TMEM150C: variants seen among roughly 807,000 people sequenced by gnomAD.
The protein encoded by TMEM150C is transmembrane protein 150C, also known as tentonin 3.
A neutral mutation model predicts 29.9 loss-of-function variants in TMEM150C; 10 were observed. The ratio of observed to expected loss-of-function variants is 0.33; its 90% CI spans 0.21 to 0.57. The LOEUF is 0.57. TMEM150C is among the 20% of genes least tolerant of loss of function. TMEM150C has a pLI of 0.88. For synonymous variants in TMEM150C, 101 were observed against 112.5 expected, an observed-to-expected ratio of 0.90 and a Z score of 0.64; for missense variants, 251 against 303.6, an observed-to-expected ratio of 0.83 and a Z score of 1.29.
chr4:82,544,282 G>A (rs1030162985), intron 1 of TMEM150C, among the ~76,000 whole-genome samples: 3 of 152,168 alleles, frequency 2.0e-5, no homozygotes, highest in African/African-American at 7.2e-5. Context: ...TGATAATAGA[G>A]GCCTCCTTTG....
chr4:82,542,867 G>C (rs1725239095), intron 1 of TMEM150C, among the ~76,000 whole-genome samples: 1 of 152,186 alleles, frequency 6.6e-6, no homozygotes, highest in Non-Finnish European at 1.5e-5. Context: ...GTTAAGACCG[G>C]GAAAGACACA....
chr4:82,529,929 GA>G (rs906915864), intron 1 of TMEM150C, among the ~76,000 whole-genome samples: 4 of 152,068 alleles, frequency 2.6e-5, no homozygotes, highest in Non-Finnish European at 4.4e-5. Context: ...TGGTTAATAG[GA>G]AAGAAGTAGA....
intron 1 of TMEM150C, among the ~76,000 whole-genome samples, chr4:82,538,358 T>C (rs1287468057): frequency 2.6e-5 from 4 of 152,124 alleles, no homozygotes; most frequent in Non-Finnish European, 5.9e-5. Flanking sequence ...GCACCCAGCC[T>C]ATGCATTATT....
intron 1 of TMEM150C, among the ~76,000 whole-genome samples, chr4:82,559,780 C>T (rs141503838): frequency 1.6e-3 from 250 of 152,276 alleles, no homozygotes; most frequent in African/African-American, 5.8e-3. Flanking sequence ...AGAAGTAATA[C>T]ATTATCTTGT....
intron 1 of TMEM150C, among the ~76,000 whole-genome samples, chr4:82,533,148 C>G (rs1431476373): frequency 6.6e-6 from 1 of 150,612 alleles, no homozygotes; most frequent in South Asian, 2.1e-4. Context: ...ATAGATGTGT[C>G]CACTTTCTGA....
chr4:82,544,565 G>T (rs950739218), intron 1 of TMEM150C, among the ~76,000 whole-genome samples: 1 of 152,122 alleles, frequency 6.6e-6, no homozygotes, highest in Admixed American at 6.5e-5. Context: ...GATTCCTTGA[G>T]CCCAGGGGTT....
chr4:82,531,754 CAA>C (rs757992713), intron 1 of TMEM150C, among the ~76,000 whole-genome samples: 7,375 of 60,730 alleles, frequency 0.12, 103 homozygotes, highest in African/African-American at 0.21. Context: ...GACTCTGTCT[CAA>C]AAAAAAAAAA....
intron 1 of TMEM150C, among the ~76,000 whole-genome samples, chr4:82,530,283 C>T (rs1172927073): frequency 2.6e-5 from 4 of 152,014 alleles, no homozygotes; most frequent in South Asian, 2.1e-4. Context: ...AGGGGCCAGG[C>T]ACGGTGGCTC....
At chr4:82,534,810 A>AGGG (rs2110084572) in intron 1 of TMEM150C, among the ~76,000 whole-genome samples, 1 of 152,348 alleles carries the variant, frequency 6.6e-6, no homozygotes, top group South Asian at 2.1e-4. Context: ...TGAACATCCC[A>AGGG]ACTTCACCTA....
intron 1 of TMEM150C, among the ~76,000 whole-genome samples, chr4:82,558,350 C>A (rs1003430632): frequency 6.6e-6 from 1 of 152,164 alleles, no homozygotes; most frequent in Non-Finnish European, 1.5e-5. Flanking sequence ...ACATGTCCAT[C>A]AATGCAGAAA....
intron 1 of TMEM150C, among the ~76,000 whole-genome samples, chr4:82,525,429 C>A (rs757046484): frequency 6.6e-6 from 1 of 152,084 alleles, no homozygotes; most frequent in Non-Finnish European, 1.5e-5. Context: ...GGCTACAAAC[C>A]AGAAAATCTA....
At chr4:82,545,135 C>G (rs1725330443) in intron 1 of TMEM150C, among the ~76,000 whole-genome samples, 1 of 152,144 alleles carries the variant, frequency 6.6e-6, no homozygotes. Flanking sequence ...AACATAGACA[C>G]AAAAGTCCTC....
At chr4:82,562,111 G>A (rs1725959754), upstream of TMEM150C, 1 of 1,247,298 alleles carries the variant, frequency 8.0e-7, no homozygotes, top group East Asian at 6.6e-5. Context: ...GGGGAGAGTT[G>A]ATCCCCTGGG....
At chr4:82,502,435 G>T (rs776166515) in intron 5 of TMEM150C, among the ~76,000 whole-genome samples, 49 of 152,014 alleles carry the variant, frequency 3.2e-4, no homozygotes, top group Non-Finnish European at 5.4e-4. Flanking sequence ...TCTCATACAG[G>T]ATTTTATATC....
chr4:82,546,188 C>T (rs1725380952), intron 1 of TMEM150C, among the ~76,000 whole-genome samples: 1 of 152,114 alleles, frequency 6.6e-6, no homozygotes, highest in South Asian at 2.1e-4. Flanking sequence ...CAACACTATT[C>T]CTATCAAACT....
chr4:82,515,516 A>T (rs983565516), intron 1 of TMEM150C, among the ~76,000 whole-genome samples: 2 of 152,102 alleles, frequency 1.3e-5, no homozygotes, highest in African/African-American at 4.8e-5. Flanking sequence ...AGGTGGGCAG[A>T]TTACGAGGTC....
At chr4:82,511,002 G>C (rs930058910) in intron 1 of TMEM150C, among the ~76,000 whole-genome samples, 5 of 152,144 alleles carry the variant, frequency 3.3e-5, no homozygotes, top group Non-Finnish European at 7.4e-5. Context: ...ATGTTTGCAG[G>C]CTCTCGGATA....
At chr4:82,549,238 G>T (rs1443857175) in intron 1 of TMEM150C, among the ~76,000 whole-genome samples, 1 of 152,036 alleles carries the variant, frequency 6.6e-6, no homozygotes, top group African/African-American at 2.4e-5. Flanking sequence ...AAAATAAAAT[G>T]ATTTGAAATG....
At chr4:82,528,908 T>C (rs1578143364) in intron 1 of TMEM150C, among the ~76,000 whole-genome samples, 1 of 152,140 alleles carries the variant, frequency 6.6e-6, no homozygotes, top group African/African-American at 2.4e-5. Context: ...TTTTATGGTG[T>C]CTTTGAGGCA....
Sources: allele counts gnomAD v4.1 joint callset (sites outside exome capture counted in the v4.1 genomes callset), GRCh38; gene constraint gnomAD v4.1.1; transcripts MANE v1.5; gene names NCBI Gene and HGNC (gene_info 2026-07-23, HGNC 2026-07-21).